Variants in EHMT1 observed in about 807,000 individuals in gnomAD.
The protein encoded by EHMT1 is histone-lysine N-methyltransferase EHMT1.
EHMT1 carries 15 observed loss-of-function variants against 147.2 expected under a neutral mutation model. That is an observed-to-expected ratio of 0.10 (90% CI 0.07 to 0.16). The LOEUF is 0.16. Among genes scored for constraint, EHMT1 ranks in the 10% least tolerant of loss-of-function variants. The probability of loss-of-function intolerance (pLI) is 1.00; values close to 1 mark genes in which losing one functional copy is unlikely to be tolerated. For synonymous variants in EHMT1, 795 were observed against 709.6 expected, an observed-to-expected ratio of 1.12 and a Z score of -1.91; for missense variants, 1,587 against 1,772.4, an observed-to-expected ratio of 0.90 and a Z score of 1.88.
At chr9:137,802,904 G>A in intron 18 of EHMT1, 1 of 1,232,642 alleles carries the variant, frequency 8.1e-7, no homozygotes, top group East Asian at 3.1e-5. Flanking sequence ...AGAAGGAAGA[G>A]AAGAGGGAAG....
intron 9 of EHMT1, among the ~76,000 whole-genome samples, 165 bp downstream of exon 9, chr9:137,758,176 G>A (rs1353041573): frequency 1.3e-5 from 2 of 152,140 alleles, no homozygotes; most frequent in East Asian, 3.9e-4. Flanking sequence ...CGTTTGCTGT[G>A]TCCCGGTGTT....
At chr9:137,754,347 C>T in intron 8 of EHMT1, 56 bp downstream of exon 8, 1 of 1,607,394 alleles carries the variant, frequency 6.2e-7, no homozygotes, top group Non-Finnish European at 8.5e-7. Context: ...GGGATGGTGC[C>T]AGGAGGCCCA....
chr9:137,820,284 C>T (rs1955300601), intron 25 of EHMT1, among the ~76,000 whole-genome samples: 1 of 152,242 alleles, frequency 6.6e-6, no homozygotes. Context: ...GGATGGCAAC[C>T]TCCATGTGTG....
At chr9:137,816,251 C>G in intron 23 of EHMT1, 189 bp downstream of exon 23, 1 of 653,400 alleles carries the variant, frequency 1.5e-6, no homozygotes, top group Non-Finnish European at 2.8e-6. Flanking sequence ...AATCACGAGT[C>G]ATGCTTCCCC....
At chr9:137,624,503 A>G (rs2133477864) in intron 1 of EHMT1, among the ~76,000 whole-genome samples, 1 of 152,050 alleles carries the variant, frequency 6.6e-6, no homozygotes, top group South Asian at 2.1e-4. Context: ...TTTAGTAGAG[A>G]CAGGGTTTCG....
At chr9:137,817,272 G>T in intron 23 of EHMT1, 167 bp from the exon 24 acceptor site, 1 of 753,662 alleles carries the variant, frequency 1.3e-6, no homozygotes, top group Non-Finnish European at 2.3e-6. Context: ...GGCTCCCTGA[G>T]AGTGCGAGAT....
chr9:137,747,569 GAC>G (rs1345809684), intron 6 of EHMT1: 1 of 152,228 alleles, frequency 6.6e-6, no homozygotes, highest in African/African-American at 2.4e-5. Flanking sequence ...ATTATTTAAA[GAC>G]CAGGATTTAC....
intron 25 of EHMT1, among the ~76,000 whole-genome samples, chr9:137,829,578 G>C (rs149875734): frequency 6.6e-6 from 1 of 152,194 alleles, no homozygotes; most frequent in African/African-American, 2.4e-5. Context: ...TAGTTTCCCC[G>C]ATGTCTTTTC....
At chr9:137,743,245 T>A in intron 4 of EHMT1, 126 bp from the exon 5 acceptor site, 1 of 1,248,926 alleles carries the variant, frequency 8.0e-7, no homozygotes. Context: ...AGTGGGCCTG[T>A]TGTGATGGGG....
At chr9:137,644,116 C>T (rs1487646150) in intron 1 of EHMT1, among the ~76,000 whole-genome samples, 5 of 152,162 alleles carry the variant, frequency 3.3e-5, no homozygotes, top group Admixed American at 1.3e-4. Flanking sequence ...AGGTGGCACT[C>T]GGCACGGCTG....
chr9:137,675,184 A>G (rs1219211647), intron 1 of EHMT1: 1 of 152,234 alleles, frequency 6.6e-6, no homozygotes, highest in East Asian at 1.9e-4. Context: ...GGCAGTGGGA[A>G]GCCACTGAAT....
chr9:137,689,218 A>G (rs1942724822), intron 1 of EHMT1, among the ~76,000 whole-genome samples: 1 of 152,196 alleles, frequency 6.6e-6, no homozygotes, highest in African/African-American at 2.4e-5. Context: ...ATAAAGCTAC[A>G]GTTTTCTTTG....
chr9:137,747,948 A>T (rs1015421240), intron 6 of EHMT1: 1 of 151,956 alleles, frequency 6.6e-6, no homozygotes, highest in Non-Finnish European at 1.5e-5. Flanking sequence ...TCTTTCTATA[A>T]ATGGAATTAC....
intron 1 of EHMT1, chr9:137,680,928 T>C (rs1941882127): frequency 6.6e-6 from 1 of 152,308 alleles, no homozygotes; most frequent in African/African-American, 2.4e-5. Flanking sequence ...CTCAGGCAAG[T>C]GGCCAGGGTG....
Position 137,776,750 on chromosome 9 carries a change from ATAGCT to A in EHMT1, c.1925_1929del (p.Ile642LysfsTer54). ...GAGCTCCAAGGCCAAAGAGGTGACG[ATAGCT>A]AAAGCAGACACCACCTCGACCGTGA... On this transcript the variant is annotated frameshift_variant, in exon 12 of 27. Transcript: ENST00000460843. LOFTEE classifies it high-confidence loss of function. The surrounding 1 kb of genome is among the most constrained non-coding windows in gnomAD (Gnocchi z 4.4). 3.7e-6 allele frequency: 6 copies of A among 1,614,076 alleles called. No individual in the cohort carries two copies. Among genetic ancestry groups the A allele is most frequent in the Non-Finnish European group, 5.1e-6 (6 of 1,180,024 alleles).
intron 1 of EHMT1, chr9:137,640,840 C>G (rs1441489879): frequency 6.5e-6 from 1 of 152,962 alleles, no homozygotes; most frequent in East Asian, 1.9e-4. Context: ...TTTTATTCTC[C>G]TCAAGGTATT....
At chr9:137,705,311 C>T (rs547796707) in intron 1 of EHMT1, among the ~76,000 whole-genome samples, 1 of 152,250 alleles carries the variant, frequency 6.6e-6, no homozygotes, top group South Asian at 2.1e-4. Flanking sequence ...CTTTAACTTG[C>T]GTTTGAAAGT....
At chr9:137,724,994 T>A (rs1013975079) in intron 3 of EHMT1, among the ~76,000 whole-genome samples, 1 of 134,244 alleles carries the variant, frequency 7.4e-6, no homozygotes, top group African/African-American at 2.9e-5. Flanking sequence ...CGTGTGGCAT[T>A]AGTGTGGCAG....
intron 18 of EHMT1, among the ~76,000 whole-genome samples, chr9:137,804,463 T>C (rs1030127869): frequency 3.3e-5 from 5 of 152,362 alleles, no homozygotes; most frequent in African/African-American, 1.2e-4. Flanking sequence ...TTCTTGCTTA[T>C]TATTGGGTAT....
Sources: gnomAD v4.1 joint callset for allele counts (sites outside exome capture counted in the v4.1 genomes callset) on GRCh38, gnomAD v4.1.1 for gene constraint, Gnocchi (gnomAD v3.1) non-coding constraint, MANE v1.5 for transcripts, NCBI Gene and HGNC (gene_info 2026-07-23, HGNC 2026-07-21) for gene names.